Variants in SEMA5A observed in about 807,000 individuals in gnomAD.
SEMA5A encodes the protein semaphorin 5A, also known as semaphorin-5A.
SEMA5A carries 55 observed loss-of-function variants against 135.5 expected under a neutral mutation model. The observed-to-expected ratio is 0.41, with a 90% confidence interval of 0.33 to 0.51. The LOEUF (loss-of-function observed/expected upper bound fraction) is 0.51, where lower values mean the gene tolerates loss of function less well. SEMA5A is among the 20% of genes least tolerant of loss of function. The pLI is 0.37. For synonymous variants in SEMA5A, 580 were observed against 546.5 expected, an observed-to-expected ratio of 1.06 and a Z score of -0.85; for missense variants, 1,290 against 1,419.9, an observed-to-expected ratio of 0.91 and a Z score of 1.47.
chr5:9,405,002 GGAAGCTAT>G (rs1756819196), intron 2 of SEMA5A, among the ~76,000 whole-genome samples: 1 of 152,146 alleles, frequency 6.6e-6, no homozygotes, highest in Admixed American at 6.5e-5. Context: ...CAGTTTAATG[GGAAGCTAT>G]GTGGTTTGGA....
chr5:9,365,402 C>T (rs1175989514), intron 3 of SEMA5A, among the ~76,000 whole-genome samples: 1 of 152,090 alleles, frequency 6.6e-6, no homozygotes, highest in East Asian at 1.9e-4. Context: ...GACCCTGGAG[C>T]CCCAATGGGG....
chr5:9,370,678 A>G (rs1289211331), intron 3 of SEMA5A, among the ~76,000 whole-genome samples: 1 of 152,222 alleles, frequency 6.6e-6, no homozygotes, highest in Admixed American at 6.5e-5. Context: ...GGAAACCTTC[A>G]TGCAGTCTTT....
intron 2 of SEMA5A, among the ~76,000 whole-genome samples, chr5:9,403,553 T>C (rs1226846293): frequency 6.6e-6 from 1 of 152,190 alleles, no homozygotes; most frequent in African/African-American, 2.4e-5. Flanking sequence ...TGGGTTGCTA[T>C]AAGGATTGTA....
intron 16 of SEMA5A, among the ~76,000 whole-genome samples, chr5:9,090,010 G>C (rs1211622298): frequency 6.6e-6 from 1 of 152,096 alleles, no homozygotes; most frequent in East Asian, 1.9e-4. Flanking sequence ...AAATATAAGT[G>C]AAATGTAAAT....
At chr5:9,347,410 G>C (rs1753924146) in intron 3 of SEMA5A, among the ~76,000 whole-genome samples, 1 of 152,166 alleles carries the variant, frequency 6.6e-6, no homozygotes, top group African/African-American at 2.4e-5. Context: ...GAAGTTCACT[G>C]TTTCATCTTG....
chr5:9,103,003 T>C (rs1334985604), intron 16 of SEMA5A, among the ~76,000 whole-genome samples: 2 of 152,176 alleles, frequency 1.3e-5, no homozygotes, highest in Non-Finnish European at 2.9e-5. Context: ...ATATACCTGT[T>C]TGGGGCTTTT....
chr5:9,366,503 G>T (rs543955296), intron 3 of SEMA5A, among the ~76,000 whole-genome samples: 15 of 151,750 alleles, frequency 9.9e-5, no homozygotes, highest in Admixed American at 9.8e-4. Flanking sequence ...ATTCTCCTGC[G>T]TCAGCTTCCC....
chr5:9,243,358 C>T (rs1417773959), intron 5 of SEMA5A, among the ~76,000 whole-genome samples: 1 of 152,158 alleles, frequency 6.6e-6, no homozygotes, highest in Non-Finnish European at 1.5e-5. Context: ...TGTTCCTCTT[C>T]TTATAAGGAC....
At chr5:9,248,526 C>G (rs1748593096) in intron 5 of SEMA5A, among the ~76,000 whole-genome samples, 1 of 149,128 alleles carries the variant, frequency 6.7e-6, no homozygotes, top group African/African-American at 2.5e-5. Context: ...CCATCATCAT[C>G]TCTGCAACCT....
At chr5:9,280,489 T>C (rs1483565908) in intron 5 of SEMA5A, among the ~76,000 whole-genome samples, 3 of 152,180 alleles carry the variant, frequency 2.0e-5, no homozygotes, top group Non-Finnish European at 4.4e-5. Flanking sequence ...CCTGACCCCG[T>C]GTTAGTGCCT....
chr5:9,271,697 G>C (rs1749982626), intron 5 of SEMA5A, among the ~76,000 whole-genome samples: 1 of 152,174 alleles, frequency 6.6e-6, no homozygotes, highest in South Asian at 2.1e-4. Flanking sequence ...ATTGGGACTT[G>C]TTGGACAGTG....
intron 1 of SEMA5A, among the ~76,000 whole-genome samples, chr5:9,537,425 C>T (rs1299478534): frequency 2.6e-5 from 4 of 152,090 alleles, no homozygotes; most frequent in Non-Finnish European, 5.9e-5. Context: ...CAAAAAGTAC[C>T]TACCTAAACA....
Position 9,202,141 on chromosome 5 carries a change from C to A in SEMA5A, c.746G>T (p.Arg249Ile), listed in dbSNP as rs1745748944. ...ATCGTTCTTGCACACCCGGGCAGCT[C>A]TGGAGAACACTGTTTTCCCACAGTC... is the stretch of plus-strand genomic sequence containing the variant. ...EHDCGKTVFS[R>I]AARVCKNDIG... is the part of the protein sequence containing the mutation. Residue 249 changes from arginine (R) to isoleucine (I), a missense_variant, in exon 9 of 23, where the codon AGA becomes ATA. By Grantham distance (97) the Arg-to-Ile change is moderately conservative. Around this residue, in one of 3 missense-constraint regions of SEMA5A, gnomAD observed 145 missense variants for 212.0 expected, o/e 0.68. Transcript: ENST00000382496. 8.7e-6 allele frequency: 14 copies of A among 1,614,062 alleles called. No homozygotes were observed. The highest frequency in any genetic ancestry group is 1.1e-5 in the Non-Finnish European group (13 of 1,180,022).
At chr5:9,540,380 G>A (rs1406757448) in intron 1 of SEMA5A, among the ~76,000 whole-genome samples, 3 of 150,384 alleles carry the variant, frequency 2.0e-5, no homozygotes, top group Admixed American at 6.6e-5. Flanking sequence ...ACGAGGTCAG[G>A]AGATCGAGAC....
chr5:9,435,092 G>A (rs1757984404), intron 2 of SEMA5A, among the ~76,000 whole-genome samples: 1 of 152,132 alleles, frequency 6.6e-6, no homozygotes, highest in Admixed American at 6.5e-5. Flanking sequence ...GTATTGCCAT[G>A]TTATTTCATC....
chr5:9,154,087 A>ATG lies in SEMA5A; in HGVS notation c.1481+400_1481+401insCA, dbSNP rs1349420939. Among the ~76,000 whole-genome samples, 1,737 of 79,230 alleles carry ATG rather than the reference A, an allele frequency of 0.022. 85 individuals are homozygous for ATG. In the East Asian group the frequency reaches 0.23, roughly 10 times the overall value. The allele number at this position is 79,230 out of a possible 152,430, so 52.0% of individuals were successfully genotyped here. A position where few individuals can be genotyped will look rare whatever the true frequency, so the allele number is the denominator to read the frequency against. On this transcript the variant is annotated intron_variant, in intron 12 of 22. Transcript: ENST00000382496. Reference sequence around the variant, plus strand: ...AATATATATATATATATATATATATATATATATGTGTGTGTGTGTATGTGT... The same window carrying ATG: ...AATATATATATATATATATATATATATGTATATATGTGTGTGTGTGTATGTGT...
intron 11 of SEMA5A, among the ~76,000 whole-genome samples, chr5:9,189,611 G>C (rs1342047073): frequency 6.6e-6 from 1 of 152,190 alleles, no homozygotes; most frequent in Admixed American, 6.5e-5. Flanking sequence ...AGGCAGGAAA[G>C]AGAAGGACAA....
At chr5:9,076,553 A>G (rs935600619) in intron 16 of SEMA5A, among the ~76,000 whole-genome samples, 5 of 152,188 alleles carry the variant, frequency 3.3e-5, no homozygotes, top group African/African-American at 1.2e-4. Context: ...GGACACCCTA[A>G]ATACCCTGAC....
intron 8 of SEMA5A, among the ~76,000 whole-genome samples, chr5:9,216,917 T>A (rs1056021871): frequency 6.6e-6 from 1 of 152,178 alleles, no homozygotes. Context: ...CACTATTGAG[T>A]CTTGCCTCTT....
Sources: gnomAD v4.1 joint callset for allele counts (sites outside exome capture counted in the v4.1 genomes callset) on GRCh38, gnomAD v4.1.1 for gene constraint, gnomAD v4.1.1 regional missense constraint, MANE v1.5 for transcripts, NCBI Gene and HGNC (gene_info 2026-07-23, HGNC 2026-07-21) for gene names.